The following SNTG1 variants were observed in gnomAD, a reference collection of about 807,000 sequenced individuals.
SNTG1 encodes syntrophin gamma 1.
A neutral mutation model predicts 74.7 loss-of-function variants in SNTG1; 39 were observed. That is an observed-to-expected ratio of 0.52 (90% CI 0.40 to 0.68). The LOEUF is 0.68. Ranked by LOEUF, SNTG1 falls within the 30% of genes least tolerant of loss-of-function variation. The pLI is 0.00. For missense variants in SNTG1, 685 were observed against 609.5 expected, an observed-to-expected ratio of 1.12 and a Z score of -1.30; for synonymous variants, 254 against 217.1, an observed-to-expected ratio of 1.17 and a Z score of -1.49.
At chr8:50,599,473 T>C (rs1369939895) in intron 13 of SNTG1, among the ~76,000 whole-genome samples, 2 of 152,152 alleles carry the variant, frequency 1.3e-5, no homozygotes, top group African/African-American at 2.4e-5. Flanking sequence ...TTTAATAATA[T>C]TGATTCTTCA....
intron 2 of SNTG1, among the ~76,000 whole-genome samples, chr8:50,330,973 G>A (rs2090941368): frequency 6.6e-6 from 1 of 152,170 alleles, no homozygotes; most frequent in South Asian, 2.1e-4. Context: ...ACCATATCAT[G>A]TGATTTCTGA....
rs1194932412 is a variant in SNTG1 at position 50,121,037 on chromosome 8, A to T, written c.-102-51524A>T. On this transcript the variant is annotated intron_variant, in intron 1 of 18. Coordinates refer to ENST00000642720, the MANE Select transcript of SNTG1 (RefSeq NM_018967.5). ...TTATCATATCAAGACACTGAAAGGAAAATATTTATTTATTAGATTTATTTT... is the reference window on the plus strand; with the variant it reads ...TTATCATATCAAGACACTGAAAGGATAATATTTATTTATTAGATTTATTTT... 2.1e-5 allele frequency among the ~76,000 whole-genome samples: 3 copies of T among 142,174 alleles called. 1 individual carries two copies. Among genetic ancestry groups the T allele is most frequent in the African/African-American group, 5.1e-5 (2 of 39,314 alleles). 93.3% of individuals were successfully genotyped at this position (142,174 alleles called of 152,430 possible).
intron 1 of SNTG1, among the ~76,000 whole-genome samples, chr8:50,108,515 T>C (rs2131288216): frequency 6.6e-6 from 1 of 152,154 alleles, no homozygotes; most frequent in South Asian, 2.1e-4. Flanking sequence ...ATAAAGATGA[T>C]ACTGTACAAA....
intron 13 of SNTG1, among the ~76,000 whole-genome samples, chr8:50,653,037 ATTTTCTGTACT>A (rs1221817994): frequency 2.0e-5 from 3 of 151,754 alleles, no homozygotes; most frequent in African/African-American, 7.3e-5. Context: ...TTCTTTACAA[ATTTTCTGTACT>A]TTTATGTCTT....
chr8:50,710,015 G>A (rs1328181455), intron 17 of SNTG1, among the ~76,000 whole-genome samples: 1 of 152,058 alleles, frequency 6.6e-6, no homozygotes, highest in Non-Finnish European at 1.5e-5. Context: ...GAGGCAGTGG[G>A]GGTTCTTGAG....
At chr8:50,182,922 T>C (rs1296647343) in intron 2 of SNTG1, among the ~76,000 whole-genome samples, 1 of 152,172 alleles carries the variant, frequency 6.6e-6, no homozygotes, top group African/African-American at 2.4e-5. Context: ...ACCTGGAGAC[T>C]AGAGCCAATA....
intron 1 of SNTG1, among the ~76,000 whole-genome samples, chr8:49,951,873 C>CAAAAAAAAAAAAAAAAAA (rs5891338): frequency 3.6e-5 from 2 of 56,296 alleles, no homozygotes; most frequent in Non-Finnish European, 3.3e-5. Flanking sequence ...GGAAAATTCA[C>CAAAAAAAAAAAAAAAAAA]AAAAAAAAAA....
chr8:50,596,909 TTTTGGTAGTAACA>T (rs1233489810), intron 13 of SNTG1, among the ~76,000 whole-genome samples: 1 of 152,036 alleles, frequency 6.6e-6, no homozygotes, highest in Non-Finnish European at 1.5e-5. Flanking sequence ...TTATCATTTA[TTTTGGTAGTAACA>T]TTCAAAATCT....
intron 12 of SNTG1, among the ~76,000 whole-genome samples, chr8:50,577,790 T>A (rs942526238): frequency 3.9e-5 from 6 of 152,176 alleles, no homozygotes; most frequent in African/African-American, 1.4e-4. Flanking sequence ...TTAAAATCAT[T>A]GACAAAGTAG....
At chr8:50,445,794 G>A (rs1370543867) in intron 5 of SNTG1, among the ~76,000 whole-genome samples, 1 of 152,208 alleles carries the variant, frequency 6.6e-6, no homozygotes, top group Non-Finnish European at 1.5e-5. Flanking sequence ...AGAAGATGGT[G>A]ATGAAAGCCT....
intron 4 of SNTG1, among the ~76,000 whole-genome samples, chr8:50,414,132 G>A (rs1361313351): frequency 1.3e-5 from 2 of 152,062 alleles, no homozygotes; most frequent in African/African-American, 4.8e-5. Flanking sequence ...CTCACTGTGG[G>A]CTCATGGTCT....
chr8:50,713,754 A>T (rs1296099645), intron 17 of SNTG1, among the ~76,000 whole-genome samples: 1 of 152,130 alleles, frequency 6.6e-6, no homozygotes, highest in Non-Finnish European at 1.5e-5. Context: ...TTTTCCCAGC[A>T]CCATATATTA....
chr8:50,021,607 A>G (rs895568281), intron 1 of SNTG1, among the ~76,000 whole-genome samples: 1 of 152,088 alleles, frequency 6.6e-6, no homozygotes, highest in African/African-American at 2.4e-5. Flanking sequence ...ATGTGGTTTC[A>G]TGATCACAAA....
intron 13 of SNTG1, among the ~76,000 whole-genome samples, chr8:50,632,135 A>G (rs1290210803): frequency 1.3e-5 from 2 of 152,122 alleles, no homozygotes; most frequent in South Asian, 2.1e-4. Flanking sequence ...AGGGCAAAAC[A>G]GGTCAAAATA....
At chr8:50,504,913 T>A (rs2093993680) in intron 9 of SNTG1, among the ~76,000 whole-genome samples, 1 of 152,232 alleles carries the variant, frequency 6.6e-6, no homozygotes, top group Admixed American at 6.5e-5. Context: ...CTTAAGTCTA[T>A]GTACATTATT....
At chr8:50,509,324 C>T (rs1318653392) in intron 9 of SNTG1, among the ~76,000 whole-genome samples, 1 of 151,820 alleles carries the variant, frequency 6.6e-6, no homozygotes, top group Non-Finnish European at 1.5e-5. Flanking sequence ...GTTACTGTAG[C>T]CTTGTAGTTT....
At chr8:50,743,147 T>C (rs142187900) in intron 17 of SNTG1, among the ~76,000 whole-genome samples, 58 of 150,930 alleles carry the variant, frequency 3.8e-4, no homozygotes, top group African/African-American at 1.3e-3. Flanking sequence ...TTGTAAGTCA[T>C]TCTGTGAGGC....
chr8:50,218,340 A>G (rs1056118958), intron 2 of SNTG1, among the ~76,000 whole-genome samples: 7 of 152,164 alleles, frequency 4.6e-5, no homozygotes, highest in Admixed American at 6.6e-5. Flanking sequence ...TTTAAGAAAA[A>G]AAATTTAAAT....
chr8:50,211,674 TC>T (rs1378522044), intron 2 of SNTG1, among the ~76,000 whole-genome samples: 1 of 152,176 alleles, frequency 6.6e-6, no homozygotes, highest in Non-Finnish European at 1.5e-5. Context: ...GCCATAAGAT[TC>T]CACGTCTTAT....
Sources: allele counts gnomAD v4.1 joint callset (sites outside exome capture counted in the v4.1 genomes callset), GRCh38; gene constraint gnomAD v4.1.1; transcripts MANE v1.5; gene names NCBI Gene and HGNC (gene_info 2026-07-23, HGNC 2026-07-21).